BTRC: variants seen among roughly 807,000 people sequenced by gnomAD.
BTRC encodes the protein beta-transducin repeat containing E3 ubiquitin protein ligase.
In BTRC, 42 loss-of-function variants were observed where a neutral mutation model predicts 85.5. The observed-to-expected ratio is 0.49, with a 90% CI of 0.38 to 0.64. The LOEUF (loss-of-function observed/expected upper bound fraction) is 0.64. Among genes scored for constraint, BTRC ranks in the 30% least tolerant of loss-of-function variants. The pLI is 0.00. For synonymous variants in BTRC, 255 were observed against 263.3 expected, an observed-to-expected ratio of 0.97 and a Z score of 0.30; for missense variants, 594 against 743.5, an observed-to-expected ratio of 0.80 and a Z score of 2.34.
chr10:101,391,983 ATTC>A, intron 1 of BTRC, among the ~76,000 whole-genome samples: 1 of 152,146 alleles, frequency 6.6e-6, no homozygotes, highest in South Asian at 2.1e-4. Context: ...ACTAACTAAT[ATTC>A]TTTTTTTTTT....
chr10:101,362,544 C>T (rs1368894834), intron 1 of BTRC, among the ~76,000 whole-genome samples: 3 of 151,830 alleles, frequency 2.0e-5, no homozygotes, highest in East Asian at 2.0e-4. Flanking sequence ...TACAGGCATG[C>T]GGCACCACAC....
At chr10:101,536,701 C>A (rs1469795521) in intron 12 of BTRC, 48 bp downstream of exon 12, 2 of 1,396,342 alleles carry the variant, frequency 1.4e-6, no homozygotes, top group Admixed American at 1.7e-5. Context: ...ACGTCTTAAT[C>A]CTTCCTTATG....
chr10:101,542,966 T>G (rs1436724847), intron 13 of BTRC, among the ~76,000 whole-genome samples: 1 of 152,150 alleles, frequency 6.6e-6, no homozygotes, highest in African/African-American at 2.4e-5. Flanking sequence ...AACCTCTGCC[T>G]CCTGGGTTCA....
intron 1 of BTRC, among the ~76,000 whole-genome samples, chr10:101,393,669 G>C (rs967495064): frequency 6.6e-6 from 1 of 152,162 alleles, no homozygotes; most frequent in African/African-American, 2.4e-5. Flanking sequence ...TCACAGAGAA[G>C]TCTTCTGTGT....
intron 2 of BTRC, among the ~76,000 whole-genome samples, chr10:101,445,532 G>T (rs191270907): frequency 6.6e-6 from 1 of 152,224 alleles, no homozygotes; most frequent in East Asian, 1.9e-4. Flanking sequence ...CACTTCACCC[G>T]CCTGAAACTA....
chr10:101,472,837 T>C (rs531759170), intron 3 of BTRC, among the ~76,000 whole-genome samples: 2 of 152,316 alleles, frequency 1.3e-5, no homozygotes, highest in African/African-American at 4.8e-5. Context: ...TCGTTACTCC[T>C]AGATACCTAA....
Position 101,462,679 on chromosome 10 carries a change from C to CA in BTRC, c.234+639dup, listed in dbSNP as rs564048359. On this transcript the variant is annotated intron_variant, in intron 3 of 14. Coordinates refer to ENST00000370187, the MANE Select transcript of BTRC (RefSeq NM_033637.4). The stretch of plus-strand genomic sequence containing the variant: ...GGGCAACAAGAGCAAAACTCCGTCT[C>CA]AAAAAAAAAAAAAAAAAATAGCTCA... Among the ~76,000 whole-genome samples, 359 of 99,274 alleles carry CA rather than the reference C, an allele frequency of 3.6e-3. 2 individuals carry two copies. Among genetic ancestry groups the CA allele is most frequent in the South Asian group, 0.013 (37 of 2,930 alleles). The allele number at this position is 99,274 out of a possible 152,430, so 65.1% of individuals were successfully genotyped here.
chr10:101,514,819 A>T (rs577314722), intron 4 of BTRC, among the ~76,000 whole-genome samples: 68 of 129,746 alleles, frequency 5.2e-4, no homozygotes, highest in African/African-American at 1.9e-3. Flanking sequence ...TGGACTCACT[A>T]TTCCTTTCCA....
chr10:101,543,129 C>T (rs2062495570), intron 13 of BTRC, among the ~76,000 whole-genome samples: 1 of 152,194 alleles, frequency 6.6e-6, no homozygotes, highest in South Asian at 2.1e-4. Flanking sequence ...CCACACACCT[C>T]GGCCTCCCAA....
chr10:101,442,950 C>T (rs925516010), intron 2 of BTRC, among the ~76,000 whole-genome samples: 6 of 141,420 alleles, frequency 4.2e-5, no homozygotes, highest in Middle Eastern at 3.5e-3. Flanking sequence ...GGTGCCATCT[C>T]GGCTCACTGC....
At chr10:101,357,021 C>T (rs1244795812) in intron 1 of BTRC, among the ~76,000 whole-genome samples, 3 of 151,540 alleles carry the variant, frequency 2.0e-5, no homozygotes, top group African/African-American at 4.9e-5. Context: ...CCCAGCTACT[C>T]GGGAGGCTGA....
chr10:101,437,786 A>G (rs902834718), intron 2 of BTRC, among the ~76,000 whole-genome samples: 13 of 152,280 alleles, frequency 8.5e-5, no homozygotes, highest in African/African-American at 3.1e-4. Flanking sequence ...CAGTTCCCCA[A>G]AGGTGCAGTG....
intron 1 of BTRC, among the ~76,000 whole-genome samples, chr10:101,429,703 C>G (rs552415190): frequency 2.0e-5 from 3 of 150,090 alleles, no homozygotes; most frequent in Non-Finnish European, 4.4e-5. Context: ...CCCCACCCCC[C>G]ACAGACCCCA....
chr10:101,445,090 C>T (rs1944786745), intron 2 of BTRC, among the ~76,000 whole-genome samples: 2 of 151,978 alleles, frequency 1.3e-5, no homozygotes, highest in African/African-American at 2.4e-5. Context: ...TTTGAAGATA[C>T]GACTATATAT....
chr10:101,514,507 C>T (rs1029336589), intron 4 of BTRC, among the ~76,000 whole-genome samples: 3 of 151,228 alleles, frequency 2.0e-5, no homozygotes, highest in Admixed American at 1.3e-4. Flanking sequence ...ATCTAGAGTG[C>T]AGTAGCACAA....
intron 9 of BTRC, among the ~76,000 whole-genome samples, chr10:101,534,127 TG>T (rs1480303772): frequency 1.3e-5 from 2 of 152,180 alleles, no homozygotes; most frequent in Admixed American, 6.5e-5. Context: ...ATATTTACAA[TG>T]GGGGGTCTAT....
chr10:101,492,362 A>G (rs560848420), intron 4 of BTRC, among the ~76,000 whole-genome samples: 9 of 152,354 alleles, frequency 5.9e-5, no homozygotes, highest in African/African-American at 2.2e-4. Flanking sequence ...TGACTCTGTA[A>G]TGGAATATCA....
chr10:101,422,834 G>C (rs1379721596), intron 1 of BTRC, among the ~76,000 whole-genome samples: 1 of 152,114 alleles, frequency 6.6e-6, no homozygotes, highest in African/African-American at 2.4e-5. Flanking sequence ...CTATATCTCT[G>C]TTTTGGTACC....
intron 8 of BTRC, 75 bp from the exon 9 acceptor site, chr10:101,532,877 C>A: frequency 1.7e-6 from 2 of 1,175,522 alleles, no homozygotes; most frequent in Non-Finnish European, 2.5e-6. Flanking sequence ...GGGGATCAGA[C>A]ACGTAATAGG....
Sources: gnomAD v4.1 joint callset for allele counts (sites outside exome capture counted in the v4.1 genomes callset) on GRCh38, gnomAD v4.1.1 for gene constraint, MANE v1.5 for transcripts, NCBI Gene and HGNC (gene_info 2026-07-23, HGNC 2026-07-21) for gene names.